The following ARMC12 variants were observed in gnomAD, a reference collection of about 807,000 sequenced individuals.
ARMC12 encodes the protein armadillo repeat containing 12, also known as armadillo repeat-containing protein 12.
A neutral mutation model predicts 37.4 loss-of-function variants in ARMC12; 25 were observed. The observed-to-expected ratio is 0.67, with a 90% CI of 0.49 to 0.93. The LOEUF (loss-of-function observed/expected upper bound fraction) is 0.93, where lower values mean the gene tolerates loss of function less well. ARMC12 is among the 40% of genes least tolerant of loss of function. ARMC12 has a pLI of 0.00. For missense variants in ARMC12, 384 were observed against 426.6 expected (o/e 0.90, Z 0.88); for synonymous variants, 167 against 176.1 (o/e 0.95, Z 0.41).
At chr6:35,736,720 G>T (rs1025742883), upstream of ARMC12, 1 of 233,182 alleles carries the variant, frequency 4.3e-6, no homozygotes, top group South Asian at 5.6e-5. Flanking sequence ...CGATTCTCCT[G>T]CCTCAGTCCC....
intron 3 of ARMC12, among the ~76,000 whole-genome samples, chr6:35,745,867 G>A (rs1366134905): frequency 3.3e-5 from 5 of 152,038 alleles, no homozygotes; most frequent in East Asian, 3.9e-4. Flanking sequence ...CCAACATGGC[G>A]AAAACCCGTC....
intron 3 of ARMC12, among the ~76,000 whole-genome samples, chr6:35,746,394 C>G (rs1767338517): frequency 6.6e-6 from 1 of 152,056 alleles, no homozygotes; most frequent in Non-Finnish European, 1.5e-5. Context: ...AAGATGGAGT[C>G]CAAGACATAA....
At chr6:35,738,283 CGGTG>C (rs1767046160) in intron 2 of ARMC12, 97 bp from the exon 3 acceptor site, 150 of 575,840 alleles carry the variant, frequency 2.6e-4, no homozygotes, top group Admixed American at 5.4e-4. Flanking sequence ...TGGCTGATAG[CGGTG>C]GGGGGGGGGT....
chr6:35,748,390 A>G (rs1767403086), intron 5 of ARMC12, 148 bp from the exon 6 acceptor site: 1 of 528,946 alleles, frequency 1.9e-6, no homozygotes, highest in South Asian at 7.8e-5. Flanking sequence ...TTAGAGGATA[A>G]TAATAAAAGA....
chr6:35,747,761 T>C, intron 5 of ARMC12, 114 bp downstream of exon 5: 1 of 1,090,138 alleles, frequency 9.2e-7, no homozygotes, highest in Non-Finnish European at 1.3e-6. Context: ...AGTATCTTCC[T>C]GCCTCTGCAC....
rs1010548189 is a variant in ARMC12, at chr6:35,744,446, G to A, written c.445-2815G>A. On this transcript the variant is annotated intron_variant, in intron 3 of 5. Transcript: ENST00000373866. ...TGAGCCACTGTGCCTGGCTGAGGGAGTATATTTGAAAATCACATATCTGAT... is the reference window on the plus strand; with the variant it reads ...TGAGCCACTGTGCCTGGCTGAGGGAATATATTTGAAAATCACATATCTGAT... Among the ~76,000 whole-genome samples, 3 of 152,148 alleles carry A rather than the reference G, an allele frequency of 2.0e-5. No homozygotes were observed. The South Asian group carries it at 6.2e-4, about 31-fold the overall frequency.
At position 35,738,148 on chromosome 6, in the gene ARMC12, C is replaced by G. The variant is rs571396202; in HGVS notation, c.285C>G (p.Arg95=). 1.8e-5 allele frequency: 29 copies of G among 1,613,272 alleles called. No individual in the cohort carries two copies. In the South Asian group the frequency reaches 3.1e-4, roughly 17 times the overall value. Residue 95 remains arginine, a synonymous_variant, in exon 2 of 6, where the codon CGC becomes CGG. Coordinates refer to ENST00000373866, the MANE Select transcript of ARMC12 (RefSeq NM_001286574.2). ...AKSMILHSIT[R]CVYLLEAEAS... Reference sequence around the variant, plus strand: ...GCATGATCCTGCACAGTATCACTCGCTGTGTGTACTTGCTGGAGGCTGAGG... The same window carrying G: ...GCATGATCCTGCACAGTATCACTCGGTGTGTGTACTTGCTGGAGGCTGAGG...
At chr6:35,744,077 T>C (rs1767259808) in intron 3 of ARMC12, among the ~76,000 whole-genome samples, 1 of 152,198 alleles carries the variant, frequency 6.6e-6, no homozygotes, top group Non-Finnish European at 1.5e-5. Context: ...TAAAAACATT[T>C]GCTCCATGAA....
At chr6:35,746,291 G>GCAAA (rs1767336105) in intron 3 of ARMC12, among the ~76,000 whole-genome samples, 1 of 152,094 alleles carries the variant, frequency 6.6e-6, no homozygotes, top group Non-Finnish European at 1.5e-5. Context: ...CACAGCCTAT[G>GCAAA]CAAACACCCT....
intron 2 of ARMC12, 54 bp downstream of exon 2, chr6:35,738,226 C>G (rs9462107): frequency 7.0e-6 from 11 of 1,580,056 alleles, no homozygotes; most frequent in East Asian, 2.3e-5. Flanking sequence ...GGGTTACGGC[C>G]GATCCCTGCC....
At chr6:35,737,826 A>G (rs1453421814) in intron 1 of ARMC12, among the ~76,000 whole-genome samples, 1 of 152,238 alleles carries the variant, frequency 6.6e-6, no homozygotes, top group Non-Finnish European at 1.5e-5. Context: ...ATGGTACGTT[A>G]TGGACAATAC....
intron 3 of ARMC12, among the ~76,000 whole-genome samples, chr6:35,744,821 GAT>G (rs1335976214): frequency 6.6e-5 from 10 of 152,150 alleles, no homozygotes; most frequent in African/African-American, 2.4e-4. Context: ...TACATGAACA[GAT>G]ATTTCACTGA....
upstream of ARMC12, among the ~76,000 whole-genome samples, chr6:35,733,421 A>C (rs1330382121): frequency 6.6e-6 from 1 of 152,150 alleles, no homozygotes; most frequent in Non-Finnish European, 1.5e-5. Flanking sequence ...AATCCTCACA[A>C]ACAATCCCAT....
chr6:35,734,989 A>G (rs2151032100), upstream of ARMC12: 1 of 152,324 alleles, frequency 6.6e-6, no homozygotes, highest in South Asian at 2.1e-4. Flanking sequence ...CAGAACCAGA[A>G]GAAATGGGCC....
chr6:35,743,942 T>C (rs2151043569), intron 3 of ARMC12, among the ~76,000 whole-genome samples: 1 of 145,784 alleles, frequency 6.9e-6, no homozygotes, highest in East Asian at 2.0e-4. Context: ...TGAGACTCCA[T>C]CTCAAAAAAA....
upstream of ARMC12, among the ~76,000 whole-genome samples, chr6:35,734,560 T>C (rs1295656074): frequency 2.0e-5 from 3 of 152,182 alleles, no homozygotes; most frequent in Non-Finnish European, 4.4e-5. Context: ...TCCAGCCCTT[T>C]GGGAGGCCGA....
upstream of ARMC12, chr6:35,735,839 T>C (rs1205924164): frequency 6.6e-6 from 1 of 152,184 alleles, no homozygotes; most frequent in Non-Finnish European, 1.5e-5. The surrounding 1 kb of genome is among the most constrained non-coding windows in gnomAD (Gnocchi z 4.0). Context: ...ATCTTCTGAC[T>C]CCAGAGGACC....
chr6:35,734,719 T>TG (rs971773476), upstream of ARMC12, among the ~76,000 whole-genome samples: 1 of 151,916 alleles, frequency 6.6e-6, no homozygotes, highest in Non-Finnish European at 1.5e-5. Flanking sequence ...AGAGGATTGC[T>TG]TGAGTCTGGG....
At chr6:35,735,142 G>C (rs1029984291), upstream of ARMC12, 4 of 152,218 alleles carry the variant, frequency 2.6e-5, no homozygotes, top group African/African-American at 9.7e-5. The surrounding 1 kb of genome is among the most constrained non-coding windows in gnomAD (Gnocchi z 4.0). Flanking sequence ...AGTAACTCTG[G>C]GTCCCACCCT....
Sources: allele counts gnomAD v4.1 joint callset (sites outside exome capture counted in the v4.1 genomes callset), GRCh38; gene constraint gnomAD v4.1.1; non-coding constraint Gnocchi (gnomAD v3.1); transcripts MANE v1.5; gene names NCBI Gene and HGNC (gene_info 2026-07-23, HGNC 2026-07-21).